NBEA: variants seen among roughly 807,000 people sequenced by gnomAD.
The protein encoded by NBEA is lysosomal-trafficking regulator 2.
A neutral mutation model predicts 343.4 loss-of-function variants in NBEA; 44 were observed. The ratio of observed to expected loss-of-function variants is 0.13; its 90% CI spans 0.10 to 0.16. The LOEUF is 0.16. NBEA is among the 10% of genes least tolerant of loss of function. The probability of loss-of-function intolerance (pLI) is 1.00; values close to 1 mark genes in which losing one functional copy is unlikely to be tolerated. For missense variants in NBEA, 2,555 were observed against 3,631.3 expected, an observed-to-expected ratio of 0.70 and a Z score of 7.62; for synonymous variants, 1,175 against 1,238.7, an observed-to-expected ratio of 0.95 and a Z score of 1.08.
chr13:35,095,057 A>G (rs1237871860), intron 10 of NBEA, among the ~76,000 whole-genome samples: 1 of 151,800 alleles, frequency 6.6e-6, no homozygotes, highest in Non-Finnish European at 1.5e-5. Context: ...TAGCCAGTTT[A>G]TGTCTTCAGA....
chr13:35,426,404 T>C (rs1411211268), intron 38 of NBEA, among the ~76,000 whole-genome samples: 1 of 152,214 alleles, frequency 6.6e-6, no homozygotes, highest in Non-Finnish European at 1.5e-5. Context: ...CCTTCACTTA[T>C]GAAGCTTAGT....
chr13:35,584,117 G>A, intron 46 of NBEA, 79 bp downstream of exon 46: 1 of 1,292,044 alleles, frequency 7.7e-7, no homozygotes, highest in Non-Finnish European at 1.1e-6. Context: ...AATCAAATCA[G>A]TTGTAATTTG....
rs553318159 is a variant in NBEA, at chr13:35,298,127, T to C, written c.5838+7677T>C. ...ATTCTAATCTTACAGTAAAATAAGC[T>C]AGAGAAAAGAAAATGTTATTAAAAA... On this transcript the variant is annotated intron_variant, in intron 35 of 58. Transcript: ENST00000379939. 4.0e-5 allele frequency among the ~76,000 whole-genome samples: 6 copies of C among 149,398 alleles called. No homozygotes were observed. The South Asian group carries it at 1.3e-3, about 32-fold the overall frequency.
intron 1 of NBEA, among the ~76,000 whole-genome samples, chr13:34,966,279 T>C (rs190286734): frequency 9.2e-5 from 14 of 152,162 alleles, no homozygotes; most frequent in Admixed American, 3.3e-4. Context: ...TGTCCTCTTA[T>C]CCTTTCAGTG....
chr13:35,603,726 G>A (rs2082159993), intron 47 of NBEA, among the ~76,000 whole-genome samples: 1 of 152,162 alleles, frequency 6.6e-6, no homozygotes, highest in African/African-American at 2.4e-5. Context: ...AAGGCAGTAA[G>A]GGAAACACCT....
chr13:35,229,182 C>T (rs928459349), intron 33 of NBEA, among the ~76,000 whole-genome samples: 8 of 152,034 alleles, frequency 5.3e-5, no homozygotes, highest in Non-Finnish European at 1.2e-4. Flanking sequence ...AGGCACCCGC[C>T]ACCACACCTG....
intron 35 of NBEA, among the ~76,000 whole-genome samples, chr13:35,305,136 A>G (rs1034540342): frequency 3.6e-4 from 55 of 152,108 alleles, no homozygotes; most frequent in African/African-American, 1.2e-3. Context: ...CCTTCCTAAG[A>G]TAACTATTTT....
chr13:35,486,132 G>A (rs573583156), intron 41 of NBEA, among the ~76,000 whole-genome samples: 1 of 152,164 alleles, frequency 6.6e-6, no homozygotes, highest in Middle Eastern at 3.4e-3. Flanking sequence ...CCTGTCCCAA[G>A]CCAATAGTTA....
intron 43 of NBEA, among the ~76,000 whole-genome samples, chr13:35,553,442 C>T (rs913178644): frequency 6.6e-6 from 1 of 152,000 alleles, no homozygotes; most frequent in African/African-American, 2.4e-5. Flanking sequence ...AGGCTTAAAC[C>T]TGTCACTTAG....
chr13:35,049,620 G>C lies in NBEA; in HGVS notation c.846-649G>C, dbSNP rs1457380002. ...GAACTTCCAAACATAAATGGGGTTG[G>C]ACTTCAAAGTGGTCATTTTGGGAGA... On this transcript the variant is annotated intron_variant, in intron 5 of 58. Transcript: ENST00000379939. 3.3e-5 allele frequency among the ~76,000 whole-genome samples: 5 copies of C among 151,802 alleles called. No individual in the cohort carries two copies. In the South Asian group the frequency reaches 8.3e-4, roughly 25 times the overall value.
intron 17 of NBEA, among the ~76,000 whole-genome samples, chr13:35,127,166 G>A (rs150259786): frequency 0.014 from 2,106 of 152,102 alleles, 30 homozygotes; most frequent in Non-Finnish European, 0.021. Context: ...CACAAATAAG[G>A]AGAAAAATGA....
Position 35,141,962 on chromosome 13 carries a change from A to T in NBEA, c.2337-307A>T, listed in dbSNP as rs192344598. Among the ~76,000 whole-genome samples, 39 of 152,296 alleles carry T rather than the reference A, an allele frequency of 2.6e-4. No individual in the cohort carries two copies. In the East Asian group the frequency reaches 6.6e-3, roughly 26 times the overall value. The stretch of plus-strand genomic sequence containing the variant: ...ATACCAATAATTTTAACCCAATAAA[A>T]TAACTTCAAAATAGTTATTTGAAAT... On this transcript the variant is annotated intron_variant, in intron 17 of 58. Coordinates refer to ENST00000379939, the MANE Select transcript of NBEA (RefSeq NM_001385012.1).
intron 36 of NBEA, among the ~76,000 whole-genome samples, chr13:35,334,513 A>G (rs2039128503): frequency 6.6e-6 from 1 of 152,106 alleles, no homozygotes; most frequent in Non-Finnish European, 1.5e-5. Context: ...CAGGTGATCC[A>G]CCCACCTTGG....
intron 34 of NBEA, among the ~76,000 whole-genome samples, chr13:35,247,417 G>C (rs2031372113): frequency 6.6e-6 from 1 of 152,106 alleles, no homozygotes; most frequent in Non-Finnish European, 1.5e-5. Flanking sequence ...GACACATTAG[G>C]AATGGCTTCC....
At chr13:35,498,685 A>T (rs970388213) in intron 41 of NBEA, among the ~76,000 whole-genome samples, 1 of 152,128 alleles carries the variant, frequency 6.6e-6, no homozygotes, top group Non-Finnish European at 1.5e-5. Flanking sequence ...CTGAATCTTC[A>T]TAAGAAAATG....
At position 35,160,099 on chromosome 13, in the gene NBEA, A is replaced by G. The variant is rs2069452270; in HGVS notation, c.3861+67A>G. 3 of 1,362,496 alleles carry G rather than the reference A, an allele frequency of 2.2e-6. No individual in the cohort carries two copies. The South Asian group carries it at 4.7e-5, about 21-fold the overall frequency. The allele number at this position is 1,362,496 out of a possible 1,614,324, so 84.4% of individuals were successfully genotyped here. ...ATTGAAGAGTTGTTAGCACCAAAAC[A>G]GAGTAATTTCTTATCAGTTACTTCA... On this transcript the variant is annotated intron_variant, in intron 22 of 58. Coordinates refer to ENST00000379939, the MANE Select transcript of NBEA (RefSeq NM_001385012.1).
intron 45 of NBEA, among the ~76,000 whole-genome samples, chr13:35,575,013 T>G (rs532116513): frequency 1.3e-5 from 2 of 152,290 alleles, no homozygotes; most frequent in East Asian, 1.9e-4. Flanking sequence ...GTGTGGGGAT[T>G]ATCGGCGTGA....
intron 31 of NBEA, among the ~76,000 whole-genome samples, chr13:35,198,254 G>T (rs751439244): frequency 6.6e-6 from 1 of 152,062 alleles, no homozygotes; most frequent in Non-Finnish European, 1.5e-5. Flanking sequence ...ATGCATGTAA[G>T]TATATGTACT....
intron 41 of NBEA, among the ~76,000 whole-genome samples, chr13:35,490,363 G>A (rs2076457373): frequency 6.6e-6 from 1 of 151,768 alleles, no homozygotes; most frequent in Non-Finnish European, 1.5e-5. Context: ...AAACCCTTAA[G>A]GGCAAGTACC....
Sources: allele counts gnomAD v4.1 joint callset (sites outside exome capture counted in the v4.1 genomes callset), GRCh38; gene constraint gnomAD v4.1.1; transcripts MANE v1.5; gene names NCBI Gene and HGNC (gene_info 2026-07-23, HGNC 2026-07-21).